The following LRRK2 variants were observed in gnomAD, a reference collection of about 807,000 sequenced individuals.
The protein encoded by LRRK2 is leucine-rich repeat serine/threonine-protein kinase 2.
LRRK2 carries 203 observed loss-of-function variants against 302.6 expected under a neutral mutation model. That is an observed-to-expected ratio of 0.67 (90% confidence interval 0.60 to 0.75). LRRK2 has a LOEUF of 0.75. LRRK2 is among the 30% of genes least tolerant of loss of function. The pLI, the probability that LRRK2 is intolerant of heterozygous loss-of-function variation, is 0.00. For missense variants in LRRK2, 2,830 were observed against 2,951.0 expected, an observed-to-expected ratio of 0.96 and a Z score of 0.95; for synonymous variants, 1,066 against 1,031.9, an observed-to-expected ratio of 1.03 and a Z score of -0.63.
intron 14 of LRRK2, among the ~76,000 whole-genome samples, chr12:40,269,794 G>T (rs10784470): frequency 0.28 from 42,601 of 151,862 alleles, 6,341 homozygotes; most frequent in South Asian, 0.38. Flanking sequence ...TTTCCTTCCT[G>T]TATGTTGACA....
chr12:40,259,395 G>T, intron 12 of LRRK2, 85 bp from the exon 13 acceptor site: 4 of 1,527,906 alleles, frequency 2.6e-6, no homozygotes, highest in Non-Finnish European at 3.6e-6. Flanking sequence ...TATTGGTTCT[G>T]CCCTCCTGTA....
chr12:40,321,963 T>C, intron 35 of LRRK2, 72 bp from the exon 36 acceptor site: 1 of 1,452,478 alleles, frequency 6.9e-7, no homozygotes, highest in Non-Finnish European at 9.6e-7. Flanking sequence ...TTACAATCAC[T>C]TGTGTTGTGT....
At chr12:40,352,763 A>G (rs1946394524) in intron 44 of LRRK2, among the ~76,000 whole-genome samples, 1 of 151,444 alleles carries the variant, frequency 6.6e-6, no homozygotes, top group Admixed American at 6.6e-5. Flanking sequence ...TGTTTCAGAG[A>G]GCACCGGGTT....
intron 20 of LRRK2, among the ~76,000 whole-genome samples, chr12:40,288,916 AAT>A (rs773766885): frequency 2.6e-5 from 4 of 151,818 alleles, no homozygotes; most frequent in Admixed American, 6.6e-5. Flanking sequence ...ATCTTGGTGA[AAT>A]GCAGTTTTCC....
intron 33 of LRRK2, among the ~76,000 whole-genome samples, chr12:40,317,394 T>G (rs1254381468): frequency 6.6e-6 from 1 of 152,112 alleles, no homozygotes; most frequent in Non-Finnish European, 1.5e-5. Flanking sequence ...CAAGAGCAAC[T>G]TGTCTGACAG....
intron 47 of LRRK2, among the ~76,000 whole-genome samples, chr12:40,360,869 T>G (rs1360298484): frequency 8.4e-5 from 5 of 59,622 alleles, no homozygotes; most frequent in African/African-American, 2.0e-4. Flanking sequence ...GGATGACTAT[T>G]ATGCCCCCTG....
intron 14 of LRRK2, among the ~76,000 whole-genome samples, chr12:40,268,022 A>G (rs1943094065): frequency 6.6e-6 from 1 of 152,212 alleles, no homozygotes; most frequent in Non-Finnish European, 1.5e-5. Context: ...AAGCGAATCC[A>G]TGTTTGGATA....
intron 39 of LRRK2, among the ~76,000 whole-genome samples, chr12:40,334,102 T>C (rs1281373657): frequency 6.6e-6 from 1 of 152,166 alleles, no homozygotes; most frequent in African/African-American, 2.4e-5. Flanking sequence ...ACTTTTGTAG[T>C]CGTTAAACCA....
intron 6 of LRRK2, among the ~76,000 whole-genome samples, chr12:40,241,162 G>C (rs901486372): frequency 2.6e-5 from 4 of 152,186 alleles, no homozygotes; most frequent in Non-Finnish European, 4.4e-5. Flanking sequence ...GCATGCATGC[G>C]TGTGTGCCGC....
At chr12:40,334,911 A>G in intron 39 of LRRK2, 56 bp from the exon 40 acceptor site, 1 of 1,576,566 alleles carries the variant, frequency 6.3e-7, no homozygotes, top group Non-Finnish European at 8.7e-7. Flanking sequence ...AAAGAAGGAG[A>G]TACGTGGGTA....
At chr12:40,362,689 C>G (rs1946751508) in intron 47 of LRRK2, among the ~76,000 whole-genome samples, 1 of 152,028 alleles carries the variant, frequency 6.6e-6, no homozygotes, top group Admixed American at 6.6e-5. Context: ...AGTTCATCCT[C>G]AAAGGCCAAG....
chr12:40,284,037 A>G lies in LRRK2; in HGVS notation c.2404A>G (p.Ser802Gly), dbSNP rs774639952. 6 of 1,613,860 alleles carry G rather than the reference A, an allele frequency of 3.7e-6. No individual in the cohort carries two copies. The highest frequency in any genetic ancestry group is 5.1e-6 in the Non-Finnish European group (6 of 1,179,814). ...GCTGGCCCTGGATGTGGCCAACAAT[A>G]GCATTTGCCTTGGAGGATTTTGTAT... ...RRLALDVANNSICLGGFCIGK... is the reference protein window; with the variant it reads ...RRLALDVANNGICLGGFCIGK... The change falls in exon 19 of 51, where the codon AGC (serine) becomes GGC (glycine). Residue 802 changes from serine to glycine, a missense_variant. By Grantham distance (56) the Ser-to-Gly change is moderately conservative (BLOSUM62 0). This residue lies in a region of LRRK2 where 2,121 missense variants were observed against 2,148.0 expected (regional missense o/e 0.99). Transcript: ENST00000298910.
Position 40,281,089 on chromosome 12 carries a change from C to G in LRRK2, c.2242-2786C>G, listed in dbSNP as rs115072640. On this transcript the variant is annotated intron_variant, in intron 18 of 50. Transcript: ENST00000298910. ...TCTCAAAAAAAAAAAAAACAAAAAACGAACCAACCAACCAACCAACAAAAC... is the reference window on the plus strand; with the variant it reads ...TCTCAAAAAAAAAAAAAACAAAAAAGGAACCAACCAACCAACCAACAAAAC... Among the ~76,000 whole-genome samples the G allele has an allele frequency of 7.4e-4, 110 of 149,238 alleles. 1 individual carries two copies. The East Asian group carries it at 0.016, about 22-fold the overall frequency.
At chr12:40,316,295 T>G (rs1945217706) in intron 33 of LRRK2, 1 of 984,678 alleles carries the variant, frequency 1.0e-6, no homozygotes, top group Non-Finnish European at 1.2e-6. Flanking sequence ...AGGAAGCTAT[T>G]GTGAAGAGAG....
Position 40,364,347 on chromosome 12 carries a change from C to T in LRRK2, c.7182-495C>T, listed in dbSNP as rs913892854. On this transcript the variant is annotated intron_variant, in intron 48 of 50. Transcript: ENST00000298910. ...TTCCTTACTTCCTGAAGTACCAAAACGATTAGGATTCTTTTATTTCTGGAC... is the reference window on the plus strand; with the variant it reads ...TTCCTTACTTCCTGAAGTACCAAAATGATTAGGATTCTTTTATTTCTGGAC... Among the ~76,000 whole-genome samples, 10 of 151,954 alleles carry T rather than the reference C, an allele frequency of 6.6e-5. No homozygotes were observed. The South Asian group carries it at 1.0e-3, about 16-fold the overall frequency.
Position 40,257,332 on chromosome 12 carries a change from T to C in LRRK2, c.1373T>C (p.Val458Ala), listed in dbSNP as rs200308266. ...CAGAAGCATATACATTCTCCTGAAGTGGCTGAAAGTGGCTGTAAAATGCTA... is the reference window on the plus strand; with the variant it reads ...CAGAAGCATATACATTCTCCTGAAGCGGCTGAAAGTGGCTGTAAAATGCTA... The part of the protein sequence containing the change: ...LMQKHIHSPE[V>A]AESGCKMLNH... Residue 458 changes from valine (V) to alanine (A), a missense_variant, in exon 12 of 51, where the codon GTG becomes GCG. By Grantham distance (64) the Val-to-Ala change is moderately conservative (BLOSUM62 0). Coordinates refer to ENST00000298910, the MANE Select transcript of LRRK2 (RefSeq NM_198578.4). 5.0e-6 allele frequency: 8 copies of C among 1,612,642 alleles called. No individual in the cohort carries two copies. Among genetic ancestry groups the C allele is most frequent in the Middle Eastern group, 1.6e-4 (1 of 6,072 alleles).
intron 16 of LRRK2, 89 bp downstream of exon 16, chr12:40,275,082 G>C (rs1442010552): frequency 7.2e-7 from 1 of 1,389,502 alleles, no homozygotes; most frequent in East Asian, 2.3e-5. Context: ...GCATGAATGG[G>C]GTATTCTAGT....
chr12:40,315,327 G>C, intron 33 of LRRK2, 27 bp downstream of exon 33: 9 of 1,557,616 alleles, frequency 5.8e-6, no homozygotes, highest in Non-Finnish European at 8.0e-6. Flanking sequence ...TTTGTGGCAC[G>C]GGGGTTATGG....
At chr12:40,326,439 C>A (rs1945551962) in intron 38 of LRRK2, among the ~76,000 whole-genome samples, 1 of 149,542 alleles carries the variant, frequency 6.7e-6, no homozygotes, top group African/African-American at 2.5e-5. Flanking sequence ...GCACTCCAGC[C>A]CGGGCGACAG....
Sources: gnomAD v4.1 joint callset for allele counts (sites outside exome capture counted in the v4.1 genomes callset) on GRCh38, gnomAD v4.1.1 for gene constraint, gnomAD v4.1.1 regional missense constraint, MANE v1.5 for transcripts, NCBI Gene and HGNC (gene_info 2026-07-23, HGNC 2026-07-21) for gene names.